Variants in MYBPC1 observed in about 807,000 individuals in gnomAD.
The protein encoded by MYBPC1 is myosin binding protein C1.
In MYBPC1, 52 loss-of-function variants were observed where a neutral mutation model predicts 147.1. That is an observed-to-expected ratio of 0.35 (90% CI 0.28 to 0.45). The LOEUF is 0.45. Ranked by LOEUF, MYBPC1 falls within the 20% of genes least tolerant of loss-of-function variation. The pLI is 1.00. For synonymous variants in MYBPC1, 477 were observed against 475.9 expected (o/e 1.00, Z -0.03); for missense variants, 1,228 against 1,440.3 (o/e 0.85, Z 2.39).
At chr12:101,630,560 G>C (rs1889677237) in intron 6 of MYBPC1, among the ~76,000 whole-genome samples, 1 of 151,414 alleles carries the variant, frequency 6.6e-6, no homozygotes, top group African/African-American at 2.4e-5. Flanking sequence ...TCCATAAGAT[G>C]ATTCCAAATC....
At chr12:101,675,129 A>G (rs755380144) in intron 25 of MYBPC1, among the ~76,000 whole-genome samples, 163 bp from the exon 26 acceptor site, 3 of 152,128 alleles carry the variant, frequency 2.0e-5, no homozygotes, top group Non-Finnish European at 4.4e-5. Flanking sequence ...GCCTGGCTCC[A>G]TACTACTGGA....
intron 30 of MYBPC1, 126 bp from the exon 31 acceptor site, chr12:101,684,256 A>G: frequency 1.3e-6 from 1 of 788,296 alleles, no homozygotes; most frequent in Admixed American, 1.8e-5. Context: ...TACATGACTA[A>G]GGATTAATGA....
chr12:101,624,683 A>AT (rs57175970), intron 3 of MYBPC1, among the ~76,000 whole-genome samples: 12,511 of 99,002 alleles, frequency 0.13, 1,100 homozygotes, highest in Non-Finnish European at 0.15. Context: ...CGGCTAATTA[A>AT]TTTTTTTTTT....
At position 101,675,326 on chromosome 12, in the gene MYBPC1, G is replaced by A; in HGVS notation, c.2844G>A (p.Glu948=). Residue 948 remains glutamate, a synonymous_variant, in exon 26 of 32, where the codon GAG becomes GAA. Coordinates refer to ENST00000361466, the MANE Select transcript of MYBPC1 (RefSeq NM_002465.4). ...GTCCACCCCAAATTGTGAAGATTGA[G>A]GATGTCTGGGGAGAAAATGTCGCTC... ...RPGPPQIVKI[E]DVWGENVALT... The A allele has an allele frequency of 1.9e-6, 3 of 1,614,086 alleles. No individual in the cohort carries two copies. The highest frequency in any genetic ancestry group is 2.5e-6 in the Non-Finnish European group (3 of 1,179,982).
intron 3 of MYBPC1, among the ~76,000 whole-genome samples, chr12:101,625,642 G>C (rs558427476): frequency 6.6e-6 from 1 of 152,128 alleles, no homozygotes; most frequent in Admixed American, 6.5e-5. Context: ...CAATACCGAC[G>C]TTCTTTTTCT....
chr12:101,601,166 G>A (rs560021649), intron 1 of MYBPC1, among the ~76,000 whole-genome samples: 1 of 152,186 alleles, frequency 6.6e-6, no homozygotes, highest in African/African-American at 2.4e-5. Context: ...AAGAAGAAAA[G>A]ACTTTGTCAC....
chr12:101,644,840 T>C (rs770511681), intron 12 of MYBPC1, 44 bp downstream of exon 12: 22 of 1,581,102 alleles, frequency 1.4e-5, no homozygotes, highest in Middle Eastern at 3.3e-4. Context: ...TACAGTAAAT[T>C]AATCAAATAG....
downstream of MYBPC1, among the ~76,000 whole-genome samples, chr12:101,687,015 T>C (rs1476364857): frequency 2.0e-5 from 3 of 152,188 alleles, no homozygotes; most frequent in Non-Finnish European, 4.4e-5. Flanking sequence ...GCAATCCCTG[T>C]GTAAACACCA....
intron 1 of MYBPC1, among the ~76,000 whole-genome samples, chr12:101,595,979 T>A (rs576806592): frequency 9.9e-5 from 15 of 152,164 alleles, no homozygotes; most frequent in South Asian, 8.3e-4. Flanking sequence ...AAATATCTTT[T>A]AAAAATATTA....
chr12:101,608,689 T>C (rs1883177202), intron 1 of MYBPC1, among the ~76,000 whole-genome samples: 1 of 152,180 alleles, frequency 6.6e-6, no homozygotes, highest in Non-Finnish European at 1.5e-5. Context: ...ACAAGTTGCT[T>C]TGCCGTTTTG....
intron 25 of MYBPC1, 76 bp downstream of exon 25, chr12:101,673,698 A>G (rs899357441): frequency 6.6e-7 from 1 of 1,515,910 alleles, no homozygotes; most frequent in Non-Finnish European, 9.2e-7. Context: ...CTAAGGCAAG[A>G]GCAGGAGTTT....
chr12:101,663,939 A>C (rs557375661), intron 22 of MYBPC1, among the ~76,000 whole-genome samples: 1 of 152,358 alleles, frequency 6.6e-6, no homozygotes, highest in Non-Finnish European at 1.5e-5. Flanking sequence ...AATGAGCTGA[A>C]GTTAACTATC....
At position 101,629,549 on chromosome 12, in the gene MYBPC1, G is replaced by A. The variant is rs748661832; in HGVS notation, c.289+5G>A. On this transcript the variant is annotated splice_donor_5th_base_variant and intron_variant, in intron 6 of 31. Transcript: ENST00000361466. The stretch of plus-strand genomic sequence containing the variant: ...AAGGAGGAACAGTGAAAGTTGGTGA[G>A]TGCCTAGCATTCAATCCTTCCTTTT... 3 of 1,592,074 alleles carry A rather than the reference G, an allele frequency of 1.9e-6. No individual in the cohort carries two copies. Among genetic ancestry groups the A allele is most frequent in the Non-Finnish European group, 2.6e-6 (3 of 1,160,302 alleles).
intron 13 of MYBPC1, 97 bp downstream of exon 13, chr12:101,646,984 T>C (rs1473133626): frequency 6.8e-7 from 1 of 1,469,758 alleles, no homozygotes; most frequent in Non-Finnish European, 9.5e-7. Context: ...TCCTCTACAC[T>C]GGCAGCTATT....
intron 11 of MYBPC1, 44 bp downstream of exon 11, chr12:101,642,629 G>T (rs1892303917): frequency 1.9e-6 from 3 of 1,573,948 alleles, no homozygotes; most frequent in Non-Finnish European, 2.6e-6. Context: ...GGGCGTGGCA[G>T]CGTTCGAAAG....
intron 3 of MYBPC1, 59 bp downstream of exon 3, chr12:101,617,302 T>A: frequency 6.5e-7 from 1 of 1,544,616 alleles, no homozygotes; most frequent in Non-Finnish European, 8.9e-7. Flanking sequence ...CAGAAAGAAG[T>A]CAGTAATGAT....
chr12:101,693,113 A>AT, the MYBPC1 span, among the ~76,000 whole-genome samples: 58 of 151,918 alleles, frequency 3.8e-4, no homozygotes, highest in Admixed American at 7.2e-4. Flanking sequence ...CGCGCGGCTA[A>AT]TTTTTTGTAT....
chr12:101,680,643 G>A (rs55713551), intron 29 of MYBPC1, 114 bp downstream of exon 29: 13 of 1,306,156 alleles, frequency 1.0e-5, no homozygotes, highest in Non-Finnish European at 1.3e-5. Context: ...TGCAGCGAGG[G>A]TGGGAGAGGG....
At chr12:101,661,057 C>G in intron 19 of MYBPC1, 101 bp from the exon 20 acceptor site, 1 of 741,168 alleles carries the variant, frequency 1.3e-6, no homozygotes. Context: ...TCAGAAATAA[C>G]AGTTTCAATG....
Sources: gnomAD v4.1 joint callset for allele counts (sites outside exome capture counted in the v4.1 genomes callset) on GRCh38, gnomAD v4.1.1 for gene constraint, MANE v1.5 for transcripts, NCBI Gene and HGNC (gene_info 2026-07-23, HGNC 2026-07-21) for gene names.